Variants in KCNN2 observed in about 807,000 individuals in gnomAD.
The protein encoded by KCNN2 is potassium calcium-activated channel subfamily N member 2, also known as small conductance calcium-activated potassium channel protein 2.
Under a neutral mutation model 55.5 loss-of-function variants are expected in KCNN2, and 24 were observed. The observed-to-expected ratio is 0.43, with a 90% confidence interval of 0.31 to 0.61. The LOEUF (loss-of-function observed/expected upper bound fraction) is 0.61. Ranked by LOEUF, KCNN2 falls within the 20% of genes least tolerant of loss-of-function variation. The pLI is 0.08. For synonymous variants in KCNN2, 431 were observed against 336.1 expected, an observed-to-expected ratio of 1.28 and a Z score of -3.09; for missense variants, 754 against 853.6, an observed-to-expected ratio of 0.88 and a Z score of 1.45.
At chr5:114,092,883 T>A (rs1246801365) in intron 1 of KCNN2, among the ~76,000 whole-genome samples, 1 of 152,170 alleles carries the variant, frequency 6.6e-6, no homozygotes, top group African/African-American at 2.4e-5. Flanking sequence ...AACTATTTTT[T>A]CTTCCTGGGC....
intron 5 of KCNN2, among the ~76,000 whole-genome samples, chr5:114,481,327 C>T (rs896912751): frequency 2.6e-5 from 4 of 152,080 alleles, no homozygotes; most frequent in African/African-American, 9.7e-5. Flanking sequence ...AACTACAAAC[C>T]ACTACTCAAA....
chr5:114,415,381 G>C (rs1184369595), intron 3 of KCNN2, among the ~76,000 whole-genome samples: 1 of 152,166 alleles, frequency 6.6e-6, no homozygotes, highest in South Asian at 2.1e-4. Flanking sequence ...ATGTATGAAG[G>C]TTCCAGTTTT....
intron 2 of KCNN2, among the ~76,000 whole-genome samples, chr5:114,370,735 A>G (rs1025656344): frequency 7.9e-5 from 12 of 152,096 alleles, no homozygotes; most frequent in African/African-American, 2.9e-4. Context: ...AAGCAGGAGC[A>G]GAATGGTACC....
chr5:114,400,658 G>A (rs1341270911), intron 2 of KCNN2, among the ~76,000 whole-genome samples: 1 of 152,154 alleles, frequency 6.6e-6, no homozygotes, highest in Non-Finnish European at 1.5e-5. Flanking sequence ...GCTGCCCCTT[G>A]ATCATTAAGT....
chr5:114,124,212 G>T (rs1751883887), intron 1 of KCNN2, among the ~76,000 whole-genome samples: 1 of 152,168 alleles, frequency 6.6e-6, no homozygotes, highest in Non-Finnish European at 1.5e-5. Flanking sequence ...CTTCAAAAAG[G>T]TTTTGGACAT....
At chr5:114,160,686 T>C (rs1467563696) in intron 1 of KCNN2, among the ~76,000 whole-genome samples, 1 of 152,186 alleles carries the variant, frequency 6.6e-6, no homozygotes, top group South Asian at 2.1e-4. Flanking sequence ...ATCTGGGTGC[T>C]CCTGTATTGG....
At chr5:114,250,529 A>G (rs1455029794) in intron 2 of KCNN2, among the ~76,000 whole-genome samples, 1 of 152,218 alleles carries the variant, frequency 6.6e-6, no homozygotes, top group Non-Finnish European at 1.5e-5. Context: ...CATTAGAGAC[A>G]TTTCCAGTAG....
chr5:114,244,280 A>T (rs1754704275), intron 2 of KCNN2, among the ~76,000 whole-genome samples: 1 of 151,996 alleles, frequency 6.6e-6, no homozygotes, highest in South Asian at 2.1e-4. Flanking sequence ...TTTTGGACCT[A>T]AGAGCAAGAT....
At chr5:114,282,114 G>A (rs1755636436) in intron 2 of KCNN2, among the ~76,000 whole-genome samples, 1 of 152,028 alleles carries the variant, frequency 6.6e-6, no homozygotes, top group Non-Finnish European at 1.5e-5. Flanking sequence ...ACTTACCAGA[G>A]TTTTAGTACT....
chr5:114,234,838 A>G (rs1754441216), intron 2 of KCNN2, among the ~76,000 whole-genome samples: 1 of 152,182 alleles, frequency 6.6e-6, no homozygotes. Context: ...ATCAAAGGGA[A>G]TGGCCTCTTT....
At chr5:114,450,006 C>T (rs1199207119) in intron 3 of KCNN2, among the ~76,000 whole-genome samples, 3 of 152,116 alleles carry the variant, frequency 2.0e-5, no homozygotes, top group Non-Finnish European at 4.4e-5. Flanking sequence ...CACCTCACAG[C>T]CCTCCTCTAG....
chr5:114,380,874 G>T (rs1758100253), intron 2 of KCNN2, among the ~76,000 whole-genome samples: 1 of 152,158 alleles, frequency 6.6e-6, no homozygotes, highest in Non-Finnish European at 1.5e-5. Context: ...TCTCTCAGTT[G>T]AGAGGGCAGC....
At chr5:114,436,647 T>A (rs1284739715) in intron 3 of KCNN2, among the ~76,000 whole-genome samples, 1 of 152,210 alleles carries the variant, frequency 6.6e-6, no homozygotes, top group South Asian at 2.1e-4. Context: ...GTGTATAACA[T>A]TGACATTTAA....
At chr5:114,330,285 G>A (rs1756792182) in intron 2 of KCNN2, among the ~76,000 whole-genome samples, 1 of 152,078 alleles carries the variant, frequency 6.6e-6, no homozygotes, top group Admixed American at 6.6e-5. Flanking sequence ...CTGTCCTCAG[G>A]TACTTCCTAC....
At chr5:114,264,582 C>G (rs1184903376) in intron 2 of KCNN2, among the ~76,000 whole-genome samples, 2 of 152,166 alleles carry the variant, frequency 1.3e-5, no homozygotes, top group Non-Finnish European at 2.9e-5. Context: ...CCATCATGGT[C>G]ACAGCCCTCT....
chr5:114,393,339 C>T (rs1758513127), intron 2 of KCNN2, among the ~76,000 whole-genome samples: 1 of 152,090 alleles, frequency 6.6e-6, no homozygotes, highest in South Asian at 2.1e-4. Context: ...AAGGATTTGT[C>T]TTAGTAAGCA....
chr5:114,063,498 C>T (rs1414511030), intron 1 of KCNN2, among the ~76,000 whole-genome samples: 1 of 151,980 alleles, frequency 6.6e-6, no homozygotes, highest in Non-Finnish European at 1.5e-5. Context: ...TAGAGAACCA[C>T]CCCCCCTCCA....
rs969217894 is a variant in KCNN2 at position 114,386,123 on chromosome 5, G to A, written c.1219-18315G>A. On this transcript the variant is annotated intron_variant, in intron 2 of 7. Transcript: ENST00000673685. The stretch of plus-strand genomic sequence containing the variant: ...CGTGAACCGAGGAGACAGAGCTTGC[G>A]GTGAGCCGAGGTCGTGCCACTGCAC... 9.3e-5 allele frequency among the ~76,000 whole-genome samples: 14 copies of A among 151,204 alleles called. 1 individual carries two copies. The South Asian group carries it at 1.7e-3, about 18-fold the overall frequency.
chr5:114,452,104 A>G (rs114597681), intron 3 of KCNN2, among the ~76,000 whole-genome samples: 2,698 of 152,244 alleles, frequency 0.018, 31 homozygotes, highest in Non-Finnish European at 0.028. Context: ...GAGTGCAAGG[A>G]GGGGACTATG....
Sources: gnomAD v4.1 joint callset for allele counts (sites outside exome capture counted in the v4.1 genomes callset) on GRCh38, gnomAD v4.1.1 for gene constraint, MANE v1.5 for transcripts, NCBI Gene and HGNC (gene_info 2026-07-23, HGNC 2026-07-21) for gene names.